Variants in ZEB1 observed in about 807,000 individuals in gnomAD.
ZEB1 encodes the protein zinc finger E-box binding homeobox 1.
In ZEB1, 21 loss-of-function variants were observed where a neutral mutation model predicts 84.9. The ratio of observed to expected loss-of-function variants is 0.25; its 90% CI spans 0.18 to 0.36. The LOEUF (loss-of-function observed/expected upper bound fraction) is 0.36. Ranked by LOEUF, ZEB1 falls within the 10% of genes least tolerant of loss-of-function variation. The pLI is 1.00. For synonymous variants in ZEB1, 420 were observed against 471.1 expected, an observed-to-expected ratio of 0.89 and a Z score of 1.41; for missense variants, 1,104 against 1,330.2, an observed-to-expected ratio of 0.83 and a Z score of 2.65.
At chr10:31,515,160 G>A (rs1022884229) in intron 6 of ZEB1, among the ~76,000 whole-genome samples, 6 of 151,994 alleles carry the variant, frequency 3.9e-5, no homozygotes, top group Non-Finnish European at 8.8e-5. Context: ...GAGGCAATGA[G>A]AGGGAGTGAA....
chr10:31,445,376 C>A (rs1448058539), intron 1 of ZEB1, among the ~76,000 whole-genome samples: 6 of 149,094 alleles, frequency 4.0e-5, no homozygotes, highest in Non-Finnish European at 5.9e-5. Flanking sequence ...GACAATTTGA[C>A]TTCCTCTTTT....
Position 31,518,122 on chromosome 10 carries a change from A to G in ZEB1, c.794-2004A>G, listed in dbSNP as rs546728367. ...CATGTAAAAATGTTATCAAGTAATTAAAAGTGTTAAAATAGAGATGTACTA... is the reference window on the plus strand; with the variant it reads ...CATGTAAAAATGTTATCAAGTAATTGAAAGTGTTAAAATAGAGATGTACTA... On this transcript the variant is annotated intron_variant, in intron 6 of 8. Coordinates refer to ENST00000424869, the MANE Select transcript of ZEB1 (RefSeq NM_001174096.2). Among the ~76,000 whole-genome samples the G allele has an allele frequency of 7.9e-5, 12 of 152,320 alleles. No individual in the cohort carries two copies. In the South Asian group the frequency reaches 1.4e-3, roughly 18 times the overall value.
At chr10:31,453,519 T>C (rs560975788) in intron 1 of ZEB1, among the ~76,000 whole-genome samples, 8 of 152,318 alleles carry the variant, frequency 5.3e-5, no homozygotes, top group Admixed American at 1.3e-4. Context: ...TGATTGTACA[T>C]TACTTAAGAA....
At position 31,474,815 on chromosome 10, in the gene ZEB1, T is replaced by G. The variant is rs2063831392; in HGVS notation, c.259+13578T>G. Among the ~76,000 whole-genome samples, 3 of 152,218 alleles carry G rather than the reference T, an allele frequency of 2.0e-5. No individual in the cohort carries two copies. The South Asian group carries it at 6.2e-4, about 32-fold the overall frequency. Reference sequence around the variant, plus strand: ...AGCAAAGACTTGGAACCAACCCAAATGTCCAACAATGATAGACTGGATTAA... The same window carrying G: ...AGCAAAGACTTGGAACCAACCCAAAGGTCCAACAATGATAGACTGGATTAA... On this transcript the variant is annotated intron_variant, in intron 2 of 8. Coordinates refer to ENST00000424869, the MANE Select transcript of ZEB1 (RefSeq NM_001174096.2).
intron 1 of ZEB1, among the ~76,000 whole-genome samples, chr10:31,354,882 T>G (rs2041874020): frequency 6.6e-6 from 1 of 152,196 alleles, no homozygotes; most frequent in African/African-American, 2.4e-5. Flanking sequence ...TCAAATTAAG[T>G]TAAAATTTAG....
intron 1 of ZEB1, among the ~76,000 whole-genome samples, chr10:31,332,971 A>G (rs1334965054): frequency 6.6e-6 from 1 of 152,170 alleles, no homozygotes; most frequent in Non-Finnish European, 1.5e-5. Context: ...TAACCTGCCT[A>G]TGTATTATCT....
chr10:31,371,705 C>T (rs2045741384), intron 1 of ZEB1, among the ~76,000 whole-genome samples: 1 of 152,014 alleles, frequency 6.6e-6, no homozygotes, highest in South Asian at 2.1e-4. Context: ...CTCATAGCAC[C>T]CAGGAAAGAA....
At chr10:31,443,424 T>TTA (rs1554867958) in intron 1 of ZEB1, among the ~76,000 whole-genome samples, 2 of 151,678 alleles carry the variant, frequency 1.3e-5, no homozygotes. Flanking sequence ...TTTTTTTTTT[T>TTA]ATTATACTTT....
chr10:31,367,033 G>C lies in ZEB1; in HGVS notation c.58+47741G>C, dbSNP rs557455117. On this transcript the variant is annotated intron_variant, in intron 1 of 8. Coordinates refer to ENST00000424869, the MANE Select transcript of ZEB1 (RefSeq NM_001174096.2). ...ATCCAAGAAGTAATGAAGTATATAA[G>C]CTTCTTCAACTCTTTGTTGAGCCCG... Among the ~76,000 whole-genome samples, 41 of 152,198 alleles carry C rather than the reference G, an allele frequency of 2.7e-4. No homozygotes were observed. In the South Asian group the frequency reaches 7.5e-3, roughly 28 times the overall value.
intron 1 of ZEB1, among the ~76,000 whole-genome samples, chr10:31,370,887 TA>T (rs1346504090): frequency 2.6e-5 from 4 of 152,242 alleles, no homozygotes; most frequent in Middle Eastern, 3.4e-3. Flanking sequence ...AGACTGTTTT[TA>T]AAAAAATTTT....
chr10:31,319,385 G>T, intron 1 of ZEB1, 93 bp downstream of exon 1: 1 of 1,257,526 alleles, frequency 8.0e-7, no homozygotes, highest in Admixed American at 2.0e-5. Context: ...CCGGGCTGGG[G>T]GCAGCCGGGG....
At chr10:31,470,188 C>T (rs2063025760) in intron 2 of ZEB1, among the ~76,000 whole-genome samples, 1 of 152,184 alleles carries the variant, frequency 6.6e-6, no homozygotes, top group South Asian at 2.1e-4. Flanking sequence ...AATTCCTCAC[C>T]AGCAATGGAA....
At chr10:31,375,172 C>T (rs562551182) in intron 1 of ZEB1, among the ~76,000 whole-genome samples, 2 of 151,346 alleles carry the variant, frequency 1.3e-5, no homozygotes, top group South Asian at 2.1e-4. Flanking sequence ...GCTTCATCTC[C>T]GCAGTGACTT....
At chr10:31,425,803 C>A (rs1043470407) in intron 1 of ZEB1, among the ~76,000 whole-genome samples, 3 of 151,914 alleles carry the variant, frequency 2.0e-5, no homozygotes, top group Non-Finnish European at 4.4e-5. Context: ...TTTGGTGGAA[C>A]TTAAGGGTAT....
intron 4 of ZEB1, among the ~76,000 whole-genome samples, chr10:31,509,975 A>T (rs929460860): frequency 1.3e-5 from 2 of 152,206 alleles, no homozygotes; most frequent in African/African-American, 4.8e-5. Context: ...ATATACAGTT[A>T]TATAGCAGAT....
chr10:31,417,981 T>C (rs1213668596), intron 1 of ZEB1, among the ~76,000 whole-genome samples: 1 of 152,024 alleles, frequency 6.6e-6, no homozygotes, highest in Non-Finnish European at 1.5e-5. Flanking sequence ...ATAGAGTACC[T>C]AGTCTCTTCT....
At chr10:31,327,874 G>A (rs1466762083) in intron 1 of ZEB1, among the ~76,000 whole-genome samples, 1 of 152,096 alleles carries the variant, frequency 6.6e-6, no homozygotes, top group Non-Finnish European at 1.5e-5. Context: ...TCTGATAGTT[G>A]CTTTAATTTA....
At chr10:31,334,716 T>C (rs1443911171) in intron 1 of ZEB1, among the ~76,000 whole-genome samples, 1 of 152,036 alleles carries the variant, frequency 6.6e-6, no homozygotes, top group African/African-American at 2.4e-5. Context: ...TAAAGCAGTA[T>C]CTGGAATGAA....
chr10:31,482,869 T>C (rs1165047465), intron 2 of ZEB1, among the ~76,000 whole-genome samples: 1 of 152,048 alleles, frequency 6.6e-6, no homozygotes, highest in East Asian at 1.9e-4. Flanking sequence ...AGAGGATCAT[T>C]CCTAGATCTC....
Sources: gnomAD v4.1 joint callset for allele counts (sites outside exome capture counted in the v4.1 genomes callset) on GRCh38, gnomAD v4.1.1 for gene constraint, MANE v1.5 for transcripts, NCBI Gene and HGNC (gene_info 2026-07-23, HGNC 2026-07-21) for gene names.